CLSTN2: variants seen among roughly 807,000 people sequenced by gnomAD.
CLSTN2 encodes the protein calsyntenin-2.
Under a neutral mutation model 101.2 loss-of-function variants are expected in CLSTN2, and 48 were observed. That is an observed-to-expected ratio of 0.47 (90% CI 0.38 to 0.60). The LOEUF (loss-of-function observed/expected upper bound fraction) is 0.60, where lower values mean the gene tolerates loss of function less well. Among genes scored for constraint, CLSTN2 ranks in the 20% least tolerant of loss-of-function variants. CLSTN2 has a pLI of 0.00. For missense variants in CLSTN2, 1,160 were observed against 1,238.2 expected (o/e 0.94, Z 0.95); for synonymous variants, 481 against 463.6 (o/e 1.04, Z -0.48).
At chr3:140,552,224 T>C (rs1397739697) in intron 10 of CLSTN2, among the ~76,000 whole-genome samples, 1 of 152,120 alleles carries the variant, frequency 6.6e-6, no homozygotes, top group Non-Finnish European at 1.5e-5. Context: ...GTCTAGCACC[T>C]TCTTGGCTCA....
intron 12 of CLSTN2, among the ~76,000 whole-genome samples, chr3:140,559,641 G>A (rs1404925606): frequency 6.6e-6 from 1 of 152,068 alleles, no homozygotes; most frequent in Non-Finnish European, 1.5e-5. Flanking sequence ...GTTACTCCGA[G>A]GGACGGGGGA....
intron 1 of CLSTN2, among the ~76,000 whole-genome samples, chr3:140,159,079 A>G (rs1048816495): frequency 6.6e-6 from 1 of 152,320 alleles, no homozygotes; most frequent in Middle Eastern, 3.4e-3. Context: ...TGAAAATCCT[A>G]GAAGAAAACC....
chr3:140,360,943 A>T (rs1348767723), intron 2 of CLSTN2, among the ~76,000 whole-genome samples: 1 of 152,218 alleles, frequency 6.6e-6, no homozygotes, highest in East Asian at 1.9e-4. Context: ...AAGAAGAAGT[A>T]ATGCAAATCT....
At chr3:140,108,078 T>C (rs1042726209) in intron 1 of CLSTN2, among the ~76,000 whole-genome samples, 1 of 152,136 alleles carries the variant, frequency 6.6e-6, no homozygotes, top group Admixed American at 6.5e-5. Context: ...GAATGACGTG[T>C]TCCTCTTCAG....
chr3:140,420,870 C>T (rs1055435199), intron 4 of CLSTN2, among the ~76,000 whole-genome samples: 12 of 147,666 alleles, frequency 8.1e-5, no homozygotes, highest in Non-Finnish European at 1.2e-4. Context: ...GGATTCCAGG[C>T]GTGTGCTCGA....
chr3:140,207,563 A>G (rs369959598), intron 2 of CLSTN2, among the ~76,000 whole-genome samples: 4 of 152,228 alleles, frequency 2.6e-5, no homozygotes, highest in East Asian at 1.9e-4. Flanking sequence ...TCACAAATTC[A>G]AAAGTTCAAA....
intron 8 of CLSTN2, chr3:140,508,277 C>T: frequency 6.6e-6 from 1 of 152,312 alleles, no homozygotes; most frequent in Non-Finnish European, 1.5e-5. Flanking sequence ...AAGGATTTGG[C>T]ACAGACATGG....
intron 2 of CLSTN2, among the ~76,000 whole-genome samples, chr3:140,314,511 C>T (rs1291212617): frequency 6.6e-6 from 1 of 152,162 alleles, no homozygotes; most frequent in Non-Finnish European, 1.5e-5. Context: ...CCTCATGGGA[C>T]TTCTGGAGTG....
chr3:140,546,802 G>A lies in CLSTN2; in HGVS notation c.1674+121G>A, dbSNP rs891392284. The A allele has an allele frequency of 8.5e-6, 8 of 939,566 alleles. No homozygotes were observed. In the Admixed American group the frequency reaches 1.2e-4, roughly 14 times the overall value. 58.2% of individuals were successfully genotyped at this position (939,566 alleles called of 1,614,324 possible). ...AACGTTACACAGAAATGGCAACAAGGCAAAGGTGCAGCCACGAGATGGGGG... is the reference window on the plus strand; with the variant it reads ...AACGTTACACAGAAATGGCAACAAGACAAAGGTGCAGCCACGAGATGGGGG... On this transcript the variant is annotated intron_variant, in intron 10 of 16. Coordinates refer to ENST00000458420, the MANE Select transcript of CLSTN2 (RefSeq NM_022131.3).
chr3:140,480,906 C>T (rs992361761), intron 8 of CLSTN2, among the ~76,000 whole-genome samples: 1 of 152,258 alleles, frequency 6.6e-6, no homozygotes, highest in African/African-American at 2.4e-5. Flanking sequence ...TGCCTGTTCA[C>T]TCTGATGATA....
At chr3:139,994,978 A>G (rs1028604682) in intron 1 of CLSTN2, among the ~76,000 whole-genome samples, 4 of 152,238 alleles carry the variant, frequency 2.6e-5, no homozygotes, top group Non-Finnish European at 4.4e-5. Flanking sequence ...TTAAACCAAA[A>G]GAAAGAACCA....
At chr3:140,259,298 A>G (rs971011180) in intron 2 of CLSTN2, among the ~76,000 whole-genome samples, 3 of 151,976 alleles carry the variant, frequency 2.0e-5, no homozygotes, top group Non-Finnish European at 4.4e-5. Flanking sequence ...ACATGATGAA[A>G]CCCCGTCTCT....
intron 5 of CLSTN2, among the ~76,000 whole-genome samples, chr3:140,427,184 A>AAATATATATATATATGTGTGTATATATAT (rs2088575338): frequency 3.2e-5 from 3 of 94,158 alleles, no homozygotes; most frequent in African/African-American, 2.4e-4. Context: ...AAAAAAAAAA[A>AAATATATATATATATGTGTGTATATATAT]ATATATATAT....
chr3:140,259,086 C>G (rs937244264), intron 2 of CLSTN2, among the ~76,000 whole-genome samples: 4 of 151,642 alleles, frequency 2.6e-5, no homozygotes, highest in Non-Finnish European at 5.9e-5. Context: ...CCTTTTTATA[C>G]TTTTATCTTA....
chr3:140,380,842 T>C lies in CLSTN2; in HGVS notation c.233-22787T>C, dbSNP rs145362446. Among the ~76,000 whole-genome samples, 1,413 of 152,336 alleles carry C rather than the reference T, an allele frequency of 9.3e-3. 20 individuals are homozygous for C. Among genetic ancestry groups the C allele is most frequent in the African/African-American group, 0.032 (1,349 of 41,578 alleles). ...GGGGTCCTGTCTTCTTCTTCCCCTC[T>C]GGCTTATGCGCAGGACCAAGGTGGA... On this transcript the variant is annotated intron_variant, in intron 2 of 16. Transcript: ENST00000458420.
At chr3:140,068,953 A>G (rs2008347270) in intron 1 of CLSTN2, among the ~76,000 whole-genome samples, 1 of 152,186 alleles carries the variant, frequency 6.6e-6, no homozygotes, top group South Asian at 2.1e-4. Flanking sequence ...GCTCTTTGAT[A>G]ATAATAGAAT....
At chr3:140,194,625 T>C (rs1352267132) in intron 2 of CLSTN2, among the ~76,000 whole-genome samples, 1 of 152,224 alleles carries the variant, frequency 6.6e-6, no homozygotes, top group African/African-American at 2.4e-5. Flanking sequence ...CTGGGTCTTA[T>C]TTAAACTTTC....
At chr3:140,272,920 G>A (rs771924457) in intron 2 of CLSTN2, among the ~76,000 whole-genome samples, 9 of 152,094 alleles carry the variant, frequency 5.9e-5, no homozygotes, top group Non-Finnish European at 8.8e-5. Context: ...TGTGAAGGAA[G>A]TAGCTCTTGC....
At chr3:140,518,617 C>A (rs961768259) in intron 8 of CLSTN2, among the ~76,000 whole-genome samples, 13 of 152,142 alleles carry the variant, frequency 8.5e-5, no homozygotes, top group South Asian at 2.1e-4. Flanking sequence ...GCAGATGATT[C>A]CTTTTCACAC....
Sources: gnomAD v4.1 joint callset for allele counts (sites outside exome capture counted in the v4.1 genomes callset) on GRCh38, gnomAD v4.1.1 for gene constraint, MANE v1.5 for transcripts, NCBI Gene and HGNC (gene_info 2026-07-23, HGNC 2026-07-21) for gene names.